Variants in TSNARE1 observed in about 807,000 individuals in gnomAD.
TSNARE1 encodes t-SNARE domain containing 1.
A neutral mutation model predicts 62.0 loss-of-function variants in TSNARE1; 49 were observed. That is an observed-to-expected ratio of 0.79 (90% CI 0.63 to 1.00). The LOEUF (loss-of-function observed/expected upper bound fraction) is 1.00. Among genes scored for constraint, TSNARE1 ranks in the 50% least tolerant of loss-of-function variants. The pLI, the probability that TSNARE1 is intolerant of heterozygous loss-of-function variation, is 0.00. For missense variants in TSNARE1, 755 were observed against 700.1 expected, an observed-to-expected ratio of 1.08 and a Z score of -0.88; for synonymous variants, 328 against 294.4, an observed-to-expected ratio of 1.11 and a Z score of -1.17.
chr8:142,331,455 A>C (rs1280519211), intron 5 of TSNARE1, among the ~76,000 whole-genome samples: 1 of 152,212 alleles, frequency 6.6e-6, no homozygotes, highest in East Asian at 1.9e-4. Context: ...CAGGGAGAGG[A>C]GCCAGCAGCG....
intron 12 of TSNARE1, among the ~76,000 whole-genome samples, chr8:142,240,836 C>T (rs1817641318): frequency 6.6e-6 from 1 of 152,108 alleles, no homozygotes; most frequent in African/African-American, 2.4e-5. Context: ...GCAGTATAAA[C>T]AGACCTTTAC....
chr8:142,323,526 G>A (rs79724827), intron 6 of TSNARE1, among the ~76,000 whole-genome samples: 1,609 of 152,342 alleles, frequency 0.011, 15 homozygotes, highest in East Asian at 0.02. Context: ...CCTCGTGAGG[G>A]GCAACGGGGC....
intron 12 of TSNARE1, among the ~76,000 whole-genome samples, chr8:142,265,968 C>T (rs1373443417): frequency 2.0e-5 from 3 of 152,230 alleles, no homozygotes; most frequent in African/African-American, 4.8e-5. Context: ...ATACATCCTT[C>T]ATCAGACATG....
intron 11 of TSNARE1, chr8:142,280,048 C>A (rs1821155503): frequency 8.1e-7 from 1 of 1,236,056 alleles, no homozygotes. Context: ...GCGGCAGTAG[C>A]CCAGCGCGTT....
chr8:142,298,117 G>A (rs1410507679), intron 10 of TSNARE1, among the ~76,000 whole-genome samples: 7 of 152,208 alleles, frequency 4.6e-5, no homozygotes, highest in Admixed American at 4.6e-4. Flanking sequence ...GGCCACCTGG[G>A]TCCTCTGGTC....
At chr8:142,299,694 GCA>G (rs775212287) in intron 10 of TSNARE1, among the ~76,000 whole-genome samples, 28 of 151,820 alleles carry the variant, frequency 1.8e-4, no homozygotes, top group East Asian at 9.7e-4. Context: ...TCACACGCAT[GCA>G]CACACACGCA....
intron 10 of TSNARE1, among the ~76,000 whole-genome samples, chr8:142,288,171 G>C (rs1426137183): frequency 6.6e-6 from 1 of 152,238 alleles, no homozygotes; most frequent in Non-Finnish European, 1.5e-5. Flanking sequence ...GGCTGAGCAA[G>C]GCCGGGTCCA....
chr8:142,276,769 T>C (rs759093083), intron 11 of TSNARE1: 14 of 985,288 alleles, frequency 1.4e-5, no homozygotes, highest in Non-Finnish European at 1.7e-5. Flanking sequence ...GAATGGGGAC[T>C]GATGTCCTGC....
chr8:142,375,592 CG>C (rs1299120113), intron 1 of TSNARE1, among the ~76,000 whole-genome samples: 1 of 152,236 alleles, frequency 6.6e-6, no homozygotes, highest in Non-Finnish European at 1.5e-5. Context: ...GTGCACCTCC[CG>C]GTGAAGTCCG....
intron 9 of TSNARE1, among the ~76,000 whole-genome samples, chr8:142,303,376 G>A (rs762478928): frequency 5.3e-5 from 8 of 152,288 alleles, no homozygotes; most frequent in African/African-American, 1.4e-4. Context: ...CCTGGGTCCC[G>A]TTTATGCCCA....
chr8:142,285,919 A>G (rs959082528), intron 10 of TSNARE1, among the ~76,000 whole-genome samples: 2 of 152,110 alleles, frequency 1.3e-5, no homozygotes, highest in Non-Finnish European at 2.9e-5. Flanking sequence ...CATCCCCTTC[A>G]CACCTGGCAC....
At chr8:142,345,969 CAGCA>C in intron 2 of TSNARE1, 77 bp from the exon 3 acceptor site, 4 of 1,520,858 alleles carry the variant, frequency 2.6e-6, no homozygotes, top group Admixed American at 1.9e-5. Context: ...CATGCACGGA[CAGCA>C]GACACCCAGG....
intron 13 of TSNARE1, among the ~76,000 whole-genome samples, chr8:142,222,680 TCATCCACTCACTCACTCATC>T (rs1563755708): frequency 1.9e-3 from 151 of 78,640 alleles, no homozygotes; most frequent in African/African-American, 5.2e-3. Flanking sequence ...ACTCATCCAC[TCATCCACTCACTCACTCATC>T]CACTCACTCA....
rs750910605 is a variant in TSNARE1 at position 142,230,690 on chromosome 8, G to A, written c.1447-1111C>T. ...TAGGGGAGAGGAGGGAAGTATAAAG[G>A]ACAAGCCAAGGATGAGTCCCCTCGG... On this transcript the variant is annotated intron_variant, in intron 12 of 13. Coordinates refer to ENST00000524325, the MANE Select transcript of TSNARE1 (RefSeq NM_145003.5). Among the ~76,000 whole-genome samples the A allele has an allele frequency of 2.0e-4, 31 of 152,206 alleles. 1 individual carries two copies. Among genetic ancestry groups the A allele is most frequent in the South Asian group, 8.3e-4 (4 of 4,822 alleles).
chr8:142,284,005 T>C (rs1356562268), intron 11 of TSNARE1, among the ~76,000 whole-genome samples: 1 of 130,660 alleles, frequency 7.7e-6, no homozygotes, highest in East Asian at 2.2e-4. Flanking sequence ...TGTCTGTCGA[T>C]GAGCAGGGTG....
At chr8:142,283,699 G>C (rs1019575268) in intron 11 of TSNARE1, among the ~76,000 whole-genome samples, 2 of 151,674 alleles carry the variant, frequency 1.3e-5, no homozygotes, top group Non-Finnish European at 2.9e-5. Flanking sequence ...TCAATGAGCA[G>C]AGGCGGGGCC....
At chr8:142,318,701 A>T in intron 6 of TSNARE1, 67 bp from the exon 7 acceptor site, 1 of 1,533,560 alleles carries the variant, frequency 6.5e-7, no homozygotes, top group Non-Finnish European at 9.0e-7. Context: ...AGGGCCCAGA[A>T]GGACGGAGCA....
chr8:142,313,490 T>C (rs977501124), intron 9 of TSNARE1, among the ~76,000 whole-genome samples: 2 of 152,154 alleles, frequency 1.3e-5, no homozygotes, highest in Admixed American at 1.3e-4. Flanking sequence ...TCTGTGTCTC[T>C]GTGTGTTTAT....
chr8:142,394,086 T>C (rs1837730536), intron 1 of TSNARE1, among the ~76,000 whole-genome samples: 1 of 152,224 alleles, frequency 6.6e-6, no homozygotes, highest in Admixed American at 6.5e-5. Context: ...CTTCACTCCT[T>C]GCTGGGCTGG....
Sources: allele counts gnomAD v4.1 joint callset (sites outside exome capture counted in the v4.1 genomes callset), GRCh38; gene constraint gnomAD v4.1.1; transcripts MANE v1.5; gene names NCBI Gene and HGNC (gene_info 2026-07-23, HGNC 2026-07-21).